The following LGSN variants were observed in gnomAD, a reference collection of about 807,000 sequenced individuals.
The protein encoded by LGSN is lengsin.
In LGSN, 21 loss-of-function variants were observed where a neutral mutation model predicts 19.5. The ratio of observed to expected loss-of-function variants is 1.07; its 90% CI spans 0.76 to 1.55. LGSN has a LOEUF of 1.55. Ranked by LOEUF, LGSN falls within the 40% of genes most tolerant of loss-of-function variation. The probability of loss-of-function intolerance (pLI) is 0.00; values close to 1 mark genes in which losing one functional copy is unlikely to be tolerated. For synonymous variants in LGSN, 257 were observed against 215.6 expected, an observed-to-expected ratio of 1.19 and a Z score of -1.68; for missense variants, 673 against 608.5, an observed-to-expected ratio of 1.11 and a Z score of -1.12.
At chr6:63,452,635 A>G in the LGSN span, among the ~76,000 whole-genome samples, 1 of 146,070 alleles carries the variant, frequency 6.8e-6, no homozygotes, top group African/African-American at 2.5e-5. Flanking sequence ...TTTTATTCCT[A>G]ATATTGGTAT....
the LGSN span, among the ~76,000 whole-genome samples, chr6:63,539,116 A>G: frequency 0.087 from 13,180 of 151,086 alleles, 610 homozygotes; most frequent in East Asian, 0.16. Flanking sequence ...CTGATCTTGA[A>G]CTCCTGACCT....
chr6:63,456,085 C>T, the LGSN span, among the ~76,000 whole-genome samples: 4 of 149,760 alleles, frequency 2.7e-5, no homozygotes, highest in African/African-American at 4.9e-5. Context: ...AAAAAATTAG[C>T]CAGGTCTGAT....
the LGSN span, among the ~76,000 whole-genome samples, chr6:63,359,666 G>A: frequency 6.6e-6 from 1 of 152,156 alleles, no homozygotes; most frequent in East Asian, 1.9e-4. Context: ...ATTTCTGTGG[G>A]ATCGATGGTG....
At chr6:63,332,301 A>G in the LGSN span, among the ~76,000 whole-genome samples, 1 of 152,220 alleles carries the variant, frequency 6.6e-6, no homozygotes, top group Admixed American at 6.5e-5. Context: ...TTTTAGAAGC[A>G]GGTCTAACCT....
the LGSN span, among the ~76,000 whole-genome samples, chr6:63,436,969 G>A: frequency 1.3e-5 from 2 of 150,468 alleles, no homozygotes; most frequent in African/African-American, 2.4e-5. Flanking sequence ...CCCAGGAGGT[G>A]TAGGTTGCAG....
chr6:63,323,798 A>G (rs187782426), upstream of LGSN, among the ~76,000 whole-genome samples: 2 of 145,656 alleles, frequency 1.4e-5, no homozygotes, highest in African/African-American at 2.6e-5. Flanking sequence ...TTTGAAACAC[A>G]GTCTGCTCTG....
chr6:63,318,265 C>G (rs1281159273), intron 1 of LGSN, among the ~76,000 whole-genome samples: 1 of 152,158 alleles, frequency 6.6e-6, no homozygotes, highest in African/African-American at 2.4e-5. Flanking sequence ...ACAATCTGCC[C>G]TTCGGAATCC....
chr6:63,486,444 C>T, the LGSN span, among the ~76,000 whole-genome samples: 1 of 152,056 alleles, frequency 6.6e-6, no homozygotes, highest in Admixed American at 6.6e-5. Flanking sequence ...GACAATGAGC[C>T]CAAATGGATT....
chr6:63,433,045 C>A, the LGSN span, among the ~76,000 whole-genome samples: 2 of 152,136 alleles, frequency 1.3e-5, no homozygotes, highest in African/African-American at 2.4e-5. Flanking sequence ...GAAGGGACAT[C>A]TCTTTCCTTT....
the LGSN span, among the ~76,000 whole-genome samples, chr6:63,362,771 C>G: frequency 6.6e-6 from 1 of 152,224 alleles, no homozygotes. Flanking sequence ...CCTCTGGGGG[C>G]AGGGCATAGC....
At chr6:63,459,894 C>T in the LGSN span, among the ~76,000 whole-genome samples, 950 of 152,098 alleles carry the variant, frequency 6.2e-3, 2 homozygotes, top group Non-Finnish European at 9.2e-3. Flanking sequence ...AAAACTCCAT[C>T]TCAAAAAATA....
chr6:63,347,119 G>A, the LGSN span, among the ~76,000 whole-genome samples: 1 of 152,144 alleles, frequency 6.6e-6, no homozygotes, highest in African/African-American at 2.4e-5. Flanking sequence ...CCCAGTTGAT[G>A]TTTGCTGGAG....
chr6:63,292,303 G>A lies in LGSN; in HGVS notation c.163+2610C>T, dbSNP rs556960527. ...GATAGTACACTTGTATTTTTAAAAAGATAATAAGTTTGTGTTTACTTTCCA... is the reference window on the plus strand; with the variant it reads ...GATAGTACACTTGTATTTTTAAAAAAATAATAAGTTTGTGTTTACTTTCCA... On this transcript the variant is annotated intron_variant, in intron 2 of 3. Coordinates refer to ENST00000370657, the MANE Select transcript of LGSN (RefSeq NM_016571.3). Among the ~76,000 whole-genome samples the A allele has an allele frequency of 5.3e-5, 8 of 152,284 alleles. 1 individual carries two copies. In the South Asian group the frequency reaches 1.7e-3, roughly 32 times the overall value.
At chr6:63,453,147 G>T in the LGSN span, among the ~76,000 whole-genome samples, 1 of 151,962 alleles carries the variant, frequency 6.6e-6, no homozygotes, top group South Asian at 2.1e-4. Flanking sequence ...TTTGGCCAGA[G>T]AACATACATT....
the LGSN span, among the ~76,000 whole-genome samples, chr6:63,348,624 C>T: frequency 6.6e-6 from 1 of 151,618 alleles, no homozygotes; most frequent in African/African-American, 2.4e-5. Context: ...TGAAGAGAGA[C>T]AACATCTTAT....
the LGSN span, among the ~76,000 whole-genome samples, chr6:63,369,113 C>T: frequency 2.6e-5 from 4 of 152,302 alleles, no homozygotes; most frequent in Admixed American, 2.6e-4. Flanking sequence ...TAACTTCATA[C>T]ACAGATAAAT....
At chr6:63,531,151 G>C in the LGSN span, among the ~76,000 whole-genome samples, 1 of 152,158 alleles carries the variant, frequency 6.6e-6, no homozygotes, top group African/African-American at 2.4e-5. Context: ...CCTGCCTCTT[G>C]AGTTGGTGTC....
the LGSN span, among the ~76,000 whole-genome samples, chr6:63,329,684 G>A: frequency 6.6e-6 from 1 of 152,144 alleles, no homozygotes; most frequent in Non-Finnish European, 1.5e-5. Flanking sequence ...CCAGACTTCA[G>A]GGTTGATTTC....
the LGSN span, among the ~76,000 whole-genome samples, chr6:63,372,496 G>C: frequency 2.0e-5 from 3 of 152,090 alleles, no homozygotes; most frequent in South Asian, 6.2e-4. Flanking sequence ...TGGTAAGAGG[G>C]GGGGAAATAA....
Sources: allele counts gnomAD v4.1 joint callset (sites outside exome capture counted in the v4.1 genomes callset), GRCh38; gene constraint gnomAD v4.1.1; transcripts MANE v1.5; gene names NCBI Gene and HGNC (gene_info 2026-07-23, HGNC 2026-07-21).